Variants in PIEZO2 observed in about 807,000 individuals in gnomAD.
PIEZO2 encodes the protein piezo-type mechanosensitive ion channel component 2.
In PIEZO2, 172 loss-of-function variants were observed where a neutral mutation model predicts 337.3. That is an observed-to-expected ratio of 0.51 (90% CI 0.45 to 0.58). The LOEUF (loss-of-function observed/expected upper bound fraction) is 0.58. PIEZO2 is among the 20% of genes least tolerant of loss of function. PIEZO2 has a pLI of 0.00. For synonymous variants in PIEZO2, 1,251 were observed against 1,228.5 expected (o/e 1.02, Z -0.38); for missense variants, 3,028 against 3,391.3 (o/e 0.89, Z 2.66).
chr18:10,931,697 G>GGTGT (rs369138997), intron 3 of PIEZO2, among the ~76,000 whole-genome samples: 17 of 143,534 alleles, frequency 1.2e-4, no homozygotes, highest in African/African-American at 3.0e-4. Flanking sequence ...TTCTCTGTGT[G>GGTGT]GTGTGTGTGT....
In PIEZO2 at chr18:11,127,795, GTGTGTGCA is replaced by G. The variant is rs1403711452; in HGVS notation, c.64+20722_64+20729del. Among the ~76,000 whole-genome samples the G allele has an allele frequency of 1.8e-5, 1 of 56,090 alleles. No individual in the cohort carries two copies. Among genetic ancestry groups the G allele is most frequent in the African/African-American group, 1.0e-4 (1 of 9,870 alleles). The allele number at this position is 56,090 out of a possible 152,430, so 36.8% of individuals were successfully genotyped here. On this transcript the variant is annotated intron_variant, in intron 1 of 55. Transcript: ENST00000674853. This position sits in a 1 kb window ranked among gnomAD's most constrained non-coding sequence, Gnocchi z 4.5. The stretch of plus-strand genomic sequence containing the variant: ...GATATATATGCATATACGTGTGTGT[GTGTGTGCA>G]TGTGTGTGTGTGTGTGTGTGTGTAT...
rs1434238291 is a variant in PIEZO2, at chr18:11,083,398, T to C, written c.65-17176A>G. 1.3e-5 allele frequency among the ~76,000 whole-genome samples: 2 copies of C among 152,222 alleles called. No homozygotes were observed. Among genetic ancestry groups the C allele is most frequent in the African/African-American group, 4.8e-5 (2 of 41,458 alleles). On this transcript the variant is annotated intron_variant, in intron 1 of 55. Coordinates refer to ENST00000674853, the MANE Select transcript of PIEZO2 (RefSeq NM_001378183.1). The surrounding 1 kb of genome is among the most constrained non-coding windows in gnomAD (Gnocchi z 4.4). ...TTGGATGTTTTCCTTGGTAAATTCTTGGCGTAGAATGAGAGATCCGAAGGA... is the reference window on the plus strand; with the variant it reads ...TTGGATGTTTTCCTTGGTAAATTCTCGGCGTAGAATGAGAGATCCGAAGGA...
rs1238991714 is a variant in PIEZO2 at position 10,750,819 on chromosome 18, G to T, written c.4168-632C>A. On this transcript the variant is annotated intron_variant, in intron 28 of 55. Coordinates refer to ENST00000674853, the MANE Select transcript of PIEZO2 (RefSeq NM_001378183.1). The surrounding 1 kb of genome is among the most constrained non-coding windows in gnomAD (Gnocchi z 4.1). ...CATAAATGTGACAGATACATTGTGT[G>T]CATTTCCTGGGAACATGTGAGGAAG... Among the ~76,000 whole-genome samples, 1 of 152,186 alleles carries T rather than the reference G, an allele frequency of 6.6e-6. No individual in the cohort carries two copies. The highest frequency in any genetic ancestry group is 2.4e-5 in the African/African-American group (1 of 41,454).
intron 1 of PIEZO2, among the ~76,000 whole-genome samples, chr18:11,133,635 A>C (rs938131212): frequency 6.6e-6 from 1 of 152,122 alleles, no homozygotes; most frequent in African/African-American, 2.4e-5. Context: ...TTCCCAGTCT[A>C]TATCTTTGTC....
rs903680349 is a variant in PIEZO2 at position 10,943,231 on chromosome 18, C to T, written c.287-32003G>A. 1.3e-5 allele frequency among the ~76,000 whole-genome samples: 2 copies of T among 152,212 alleles called. No homozygotes were observed. Among genetic ancestry groups the T allele is most frequent in the Non-Finnish European group, 2.9e-5 (2 of 68,040 alleles). On this transcript the variant is annotated intron_variant, in intron 3 of 55. Coordinates refer to ENST00000674853, the MANE Select transcript of PIEZO2 (RefSeq NM_001378183.1). This position sits in a 1 kb window ranked among gnomAD's most constrained non-coding sequence, Gnocchi z 4.5. ...GCTGTGAGAAGAGGGCCACTGCCAT[C>T]CTGTAGACCCCAGAATGGTAGATCC...
intron 23 of PIEZO2, among the ~76,000 whole-genome samples, chr18:10,762,184 C>T (rs994606336): frequency 1.3e-5 from 2 of 152,172 alleles, no homozygotes; most frequent in Non-Finnish European, 2.9e-5. Flanking sequence ...AAAAATCTTA[C>T]TATATTTTAG....
chr18:11,072,113 T>C (rs553542249), intron 1 of PIEZO2, among the ~76,000 whole-genome samples: 1 of 152,286 alleles, frequency 6.6e-6, no homozygotes, highest in African/African-American at 2.4e-5. Context: ...CTCAAGCCTA[T>C]GTCTCATCCA....
At chr18:11,145,324 T>C (rs1434447671) in intron 1 of PIEZO2, among the ~76,000 whole-genome samples, 5 of 151,428 alleles carry the variant, frequency 3.3e-5, no homozygotes, top group Non-Finnish European at 7.4e-5. Flanking sequence ...TGAGTTCACT[T>C]ATCACTTCTC....
At position 10,962,193 on chromosome 18, in the gene PIEZO2, GAA is replaced by G. The variant is rs911767239; in HGVS notation, c.286+17340_286+17341del. Among the ~76,000 whole-genome samples the G allele has an allele frequency of 6.6e-6, 1 of 152,162 alleles. No individual in the cohort carries two copies. Among genetic ancestry groups the G allele is most frequent in the Non-Finnish European group, 1.5e-5 (1 of 68,032 alleles). ...ATTATTTCCAGATGCTCTGTTCAAT[GAA>G]AGAGTCTTAAAAATAATGCAAAACG... On this transcript the variant is annotated intron_variant, in intron 3 of 55. Coordinates refer to ENST00000674853, the MANE Select transcript of PIEZO2 (RefSeq NM_001378183.1). The surrounding 1 kb of genome is among the most constrained non-coding windows in gnomAD (Gnocchi z 4.1).
intron 2 of PIEZO2, among the ~76,000 whole-genome samples, chr18:10,990,519 A>G (rs148546658): frequency 3.9e-4 from 60 of 152,180 alleles, no homozygotes; most frequent in African/African-American, 1.4e-3. Flanking sequence ...TTGGGGTATT[A>G]ATCAGACAAG....
At chr18:11,053,184 T>A (rs1275729767) in intron 2 of PIEZO2, among the ~76,000 whole-genome samples, 1 of 152,206 alleles carries the variant, frequency 6.6e-6, no homozygotes, top group Admixed American at 6.5e-5. Context: ...TTTATGAACT[T>A]AGTAGAGAGG....
chr18:10,899,331 G>A lies in PIEZO2; in HGVS notation c.329+11855C>T, dbSNP rs994518648. Among the ~76,000 whole-genome samples the A allele has an allele frequency of 1.2e-4, 18 of 152,138 alleles. No individual in the cohort carries two copies. Among genetic ancestry groups the A allele is most frequent in the African/African-American group, 4.1e-4 (17 of 41,424 alleles). ...TGTAGAGGTATATCAGGAAAATGAA[G>A]AATCAGGAAGAAACTGTTTTCACTT... On this transcript the variant is annotated intron_variant, in intron 4 of 55. Transcript: ENST00000674853. This position sits in a 1 kb window ranked among gnomAD's most constrained non-coding sequence, Gnocchi z 4.6.
rs55663022 is a variant in PIEZO2, at chr18:10,797,644, G to T, written c.1379-122C>A. 0.35 allele frequency: 494,879 copies of T among 1,429,086 alleles called. 89,933 individuals are homozygous for T. Among genetic ancestry groups the T allele is most frequent in the Middle Eastern group, 0.38 (2,013 of 5,234 alleles). The allele number at this position is 1,429,086 out of a possible 1,614,324, so 88.5% of individuals were successfully genotyped here. A position where few individuals can be genotyped will look rare whatever the true frequency, so the allele number is the denominator to read the frequency against. On this transcript the variant is annotated intron_variant, in intron 11 of 55. Coordinates refer to ENST00000674853, the MANE Select transcript of PIEZO2 (RefSeq NM_001378183.1). ...CCTTTTATTTAAGATTTCAGAAATTGTTTCCCATTCATAAAGCCCTTAAAA... is the reference window on the plus strand; with the variant it reads ...CCTTTTATTTAAGATTTCAGAAATTTTTTCCCATTCATAAAGCCCTTAAAA...
chr18:10,912,846 T>G lies in PIEZO2; in HGVS notation c.287-1618A>C, dbSNP rs552610715. On this transcript the variant is annotated intron_variant, in intron 3 of 55. Coordinates refer to ENST00000674853, the MANE Select transcript of PIEZO2 (RefSeq NM_001378183.1). Reference sequence around the variant, plus strand: ...TTAAATAATTCTGATAAATAATAAATGACTAAATTTCGGATGTGGATTAGA... The same window carrying G: ...TTAAATAATTCTGATAAATAATAAAGGACTAAATTTCGGATGTGGATTAGA... Among the ~76,000 whole-genome samples the G allele has an allele frequency of 2.8e-4, 43 of 152,234 alleles. 1 individual carries two copies. In the South Asian group the frequency reaches 7.7e-3, roughly 27 times the overall value.
intron 5 of PIEZO2, among the ~76,000 whole-genome samples, chr18:10,858,321 C>CAAAAAAAAAAAAAAAAAAAAAAAAAAAA (rs11361243): frequency 1.8e-5 from 1 of 56,350 alleles, no homozygotes; most frequent in Non-Finnish European, 3.3e-5. Context: ...GACTTCAACC[C>CAAAAAAAAAAAAAAAAAAAAAAAAAAAA]AAAAAAAAAA....
Position 10,988,105 on chromosome 18 carries a change from T to C in PIEZO2, c.161-8445A>G, listed in dbSNP as rs1054924625. Among the ~76,000 whole-genome samples, 1 of 151,960 alleles carries C rather than the reference T, an allele frequency of 6.6e-6. No homozygotes were observed. The highest frequency in any genetic ancestry group is 1.5e-5 in the Non-Finnish European group (1 of 68,016). On this transcript the variant is annotated intron_variant, in intron 2 of 55. Coordinates refer to ENST00000674853, the MANE Select transcript of PIEZO2 (RefSeq NM_001378183.1). This position sits in a 1 kb window ranked among gnomAD's most constrained non-coding sequence, Gnocchi z 4.8. ...TTAGGATGTGATCAAGACATGAGGG[T>C]TGAGCTCTCAGGTATAAGATTAGGG...
chr18:10,860,775 T>C (rs2041851271), intron 5 of PIEZO2, among the ~76,000 whole-genome samples: 1 of 152,250 alleles, frequency 6.6e-6, no homozygotes, highest in Non-Finnish European at 1.5e-5. Context: ...CGGATGTAGA[T>C]TAAATCAAAT....
chr18:10,961,463 T>G (rs1162161369), intron 3 of PIEZO2, among the ~76,000 whole-genome samples: 2 of 152,146 alleles, frequency 1.3e-5, no homozygotes, highest in Non-Finnish European at 2.9e-5. Context: ...GTGCAGTGTA[T>G]ACTGCTTGGG....
intron 55 of PIEZO2, 103 bp from the exon 56 acceptor site, chr18:10,671,882 A>G: frequency 9.4e-7 from 1 of 1,065,686 alleles, no homozygotes; most frequent in South Asian, 2.1e-5. Context: ...CAAATTCTGT[A>G]GAAGAAATAA....
Sources: allele counts gnomAD v4.1 joint callset (sites outside exome capture counted in the v4.1 genomes callset), GRCh38; gene constraint gnomAD v4.1.1; non-coding constraint Gnocchi (gnomAD v3.1); transcripts MANE v1.5; gene names NCBI Gene and HGNC (gene_info 2026-07-23, HGNC 2026-07-21).